TENM4: variants seen among roughly 807,000 people sequenced by gnomAD.
TENM4 encodes teneurin-4.
In TENM4, 82 loss-of-function variants were observed where a neutral mutation model predicts 243.3. The ratio of observed to expected loss-of-function variants is 0.34; its 90% CI spans 0.28 to 0.40. The LOEUF (loss-of-function observed/expected upper bound fraction) is 0.40, where lower values mean the gene tolerates loss of function less well. TENM4 is among the 10% of genes least tolerant of loss of function. TENM4 has a pLI of 1.00. For missense variants in TENM4, 3,138 were observed against 3,673.3 expected (o/e 0.85, Z 3.77); for synonymous variants, 1,412 against 1,456.3 (o/e 0.97, Z 0.69).
At chr11:78,904,357 C>A (rs1475304424) in intron 6 of TENM4, among the ~76,000 whole-genome samples, 1 of 53,666 alleles carries the variant, frequency 1.9e-5, no homozygotes, top group African/African-American at 2.2e-4. Context: ...AAGACTCTGT[C>A]TCAAAAAAAA....
At chr11:78,795,910 T>C (rs1025744132) in intron 15 of TENM4, among the ~76,000 whole-genome samples, 1 of 152,240 alleles carries the variant, frequency 6.6e-6, no homozygotes, top group South Asian at 2.1e-4. Context: ...TAGTCTCCTT[T>C]AGACATTGAG....
At chr11:78,895,362 A>G (rs933010852) in intron 7 of TENM4, among the ~76,000 whole-genome samples, 1 of 152,070 alleles carries the variant, frequency 6.6e-6, no homozygotes, top group African/African-American at 2.4e-5. Flanking sequence ...GAAAAAACGA[A>G]ATAGTCTTGT....
intron 1 of TENM4, among the ~76,000 whole-genome samples, chr11:79,432,657 C>T (rs1303322380): frequency 6.6e-6 from 1 of 152,138 alleles, no homozygotes; most frequent in East Asian, 1.9e-4. Context: ...GAACAAATTG[C>T]TTTTAAGCTC....
intron 1 of TENM4, among the ~76,000 whole-genome samples, chr11:79,361,218 T>C (rs1370946557): frequency 6.6e-6 from 1 of 152,162 alleles, no homozygotes; most frequent in Non-Finnish European, 1.5e-5. Flanking sequence ...TCAGGGATCA[T>C]CCCCCGATCT....
chr11:78,695,620 C>A (rs1031746450), intron 28 of TENM4, among the ~76,000 whole-genome samples: 1 of 151,900 alleles, frequency 6.6e-6, no homozygotes, highest in Non-Finnish European at 1.5e-5. Flanking sequence ...GCCTCGGCCT[C>A]CCAAAGTGCT....
chr11:78,709,112 C>T (rs1485484764), intron 26 of TENM4, among the ~76,000 whole-genome samples: 2 of 149,982 alleles, frequency 1.3e-5, no homozygotes, highest in Non-Finnish European at 3.0e-5. Context: ...GGACCACAGG[C>T]ATGCGCCACC....
At chr11:78,915,506 G>T (rs1856294843) in intron 6 of TENM4, among the ~76,000 whole-genome samples, 1 of 152,152 alleles carries the variant, frequency 6.6e-6, no homozygotes, top group Non-Finnish European at 1.5e-5. Context: ...GGGGCCTGGG[G>T]TGATTTGGGC....
intron 1 of TENM4, among the ~76,000 whole-genome samples, chr11:79,371,053 C>G (rs562455249): frequency 1.1e-4 from 17 of 152,230 alleles, no homozygotes; most frequent in Admixed American, 9.2e-4. Flanking sequence ...AATACTCAAA[C>G]TTATGTAGTG....
chr11:79,138,296 T>A (rs1862152550), intron 4 of TENM4, among the ~76,000 whole-genome samples: 1 of 128,400 alleles, frequency 7.8e-6, no homozygotes, highest in African/African-American at 3.2e-5. Context: ...GAGTTAATAC[T>A]TAATAAACTC....
At chr11:79,347,509 T>C (rs540728280) in intron 1 of TENM4, among the ~76,000 whole-genome samples, 1 of 152,282 alleles carries the variant, frequency 6.6e-6, no homozygotes, top group Admixed American at 6.5e-5. Flanking sequence ...GGAGGAGGTA[T>C]AAGGTGGGGG....
intron 6 of TENM4, among the ~76,000 whole-genome samples, chr11:79,017,448 T>A (rs1009624252): frequency 2.6e-5 from 4 of 152,074 alleles, no homozygotes; most frequent in Non-Finnish European, 4.4e-5. Flanking sequence ...ACCTGTTTAG[T>A]ATGCAACCTC....
At chr11:78,784,432 T>G (rs2136029915) in intron 16 of TENM4, among the ~76,000 whole-genome samples, 1 of 152,236 alleles carries the variant, frequency 6.6e-6, no homozygotes, top group African/African-American at 2.4e-5. Flanking sequence ...GAGTTTCTCA[T>G]GGGGACGCAG....
chr11:78,925,796 A>G (rs1482845298), intron 6 of TENM4, among the ~76,000 whole-genome samples: 1 of 151,988 alleles, frequency 6.6e-6, no homozygotes, highest in Non-Finnish European at 1.5e-5. Context: ...TGTATCCCTT[A>G]TATTAAGGAT....
intron 18 of TENM4, among the ~76,000 whole-genome samples, chr11:78,758,032 T>C (rs1856349104): frequency 6.6e-6 from 1 of 152,170 alleles, no homozygotes; most frequent in Non-Finnish European, 1.5e-5. Context: ...AGGCACCTAA[T>C]ATTAATAGAC....
chr11:79,130,750 G>A lies in TENM4; in HGVS notation c.-66+17960C>T, dbSNP rs144757946. On this transcript the variant is annotated intron_variant, in intron 4 of 33. Transcript: ENST00000278550. ...AGGCAGGAGAATGGTGTGAACTCGG[G>A]GGGCGGAGCTTGCAGTGAGCCGAGA... Among the ~76,000 whole-genome samples, 851 of 152,242 alleles carry A rather than the reference G, an allele frequency of 5.6e-3. 5 individuals are homozygous for A. Among genetic ancestry groups the A allele is most frequent in the Middle Eastern group, 0.027 (8 of 294 alleles).
At chr11:79,439,815 G>A (rs1202619564) in intron 1 of TENM4, among the ~76,000 whole-genome samples, 1 of 152,168 alleles carries the variant, frequency 6.6e-6, no homozygotes, top group Non-Finnish European at 1.5e-5. Flanking sequence ...CGAAGCTGGG[G>A]GTGAGAGTAG....
chr11:79,297,943 T>C (rs75617173), intron 1 of TENM4, among the ~76,000 whole-genome samples: 2 of 151,982 alleles, frequency 1.3e-5, no homozygotes, highest in African/African-American at 4.8e-5. Flanking sequence ...CTTTTTTTTT[T>C]CCTTCTATAC....
chr11:78,712,263 C>T (rs887051305), intron 26 of TENM4, among the ~76,000 whole-genome samples: 3 of 152,052 alleles, frequency 2.0e-5, no homozygotes, highest in African/African-American at 7.2e-5. Context: ...TTAGTAAACA[C>T]TACATACACA....
chr11:78,908,719 C>T (rs1269937407), intron 6 of TENM4, among the ~76,000 whole-genome samples: 1 of 152,206 alleles, frequency 6.6e-6, no homozygotes, highest in Non-Finnish European at 1.5e-5. Flanking sequence ...ACCATGTATT[C>T]AAAGATGAAA....
Sources: allele counts gnomAD v4.1 joint callset (sites outside exome capture counted in the v4.1 genomes callset), GRCh38; gene constraint gnomAD v4.1.1; transcripts MANE v1.5; gene names NCBI Gene and HGNC (gene_info 2026-07-23, HGNC 2026-07-21).